Variants in PALB2 observed in about 807,000 individuals in gnomAD.
PALB2 encodes the protein mutant partner and localizer of BRCA2.
Under a neutral mutation model 107.4 loss-of-function variants are expected in PALB2, and 82 were observed. The ratio of observed to expected loss-of-function variants is 0.76; its 90% CI spans 0.64 to 0.92. The LOEUF is 0.92. Among genes scored for constraint, PALB2 ranks in the 40% least tolerant of loss-of-function variants. The pLI, the probability that PALB2 is intolerant of heterozygous loss-of-function variation, is 0.00. For synonymous variants in PALB2, 489 were observed against 496.8 expected (o/e 0.98, Z 0.21); for missense variants, 1,374 against 1,379.9 (o/e 1.00, Z 0.07).
rs1966799199 is a variant in PALB2, at chr16:23,622,998, T to C, written c.2967A>G (p.Val989=). Residue 989 remains valine (V), a synonymous_variant, in exon 9 of 13, where the codon GTA becomes GTG. Transcript: ENST00000261584. ...SSSGTLSDQQ[V]EVMTFAEDGG... ...CATCTTCTGCAAACGTCATGACTTC[T>C]ACTTGTTGATCAGAAAGGGTCCCAC... 1 of 1,614,082 alleles carries C rather than the reference T, an allele frequency of 6.2e-7. No individual in the cohort carries two copies. The highest frequency in any genetic ancestry group is 1.3e-5 in the African/African-American group (1 of 74,930).
chr16:23,630,196 C>A lies in PALB2; in HGVS notation c.1958G>T (p.Cys653Phe), dbSNP rs771246748. Residue 653 changes from cysteine to phenylalanine, a missense_variant, in exon 5 of 13, where the codon TGT becomes TTT. Physicochemically the swap from Cys to Phe is radical, Grantham distance 205 (BLOSUM62 -2). Coordinates refer to ENST00000261584, the MANE Select transcript of PALB2 (RefSeq NM_024675.4). ...AGGACTCAGTTCCTCTGGAAAAATA[C>A]AGCTTCCCTCTTTAAGATGTCTCTC... ...FGERHLKEGS[C>F]IFPEELSPKR... 1 of 1,614,134 alleles carries A rather than the reference C, an allele frequency of 6.2e-7. No homozygotes were observed. The highest frequency in any genetic ancestry group is 8.5e-7 in the Non-Finnish European group (1 of 1,180,032).
intron 3 of PALB2, among the ~76,000 whole-genome samples, chr16:23,636,938 T>C (rs1435555615): frequency 6.6e-6 from 1 of 152,186 alleles, no homozygotes; most frequent in East Asian, 1.9e-4. Context: ...TCTCTGTTCA[T>C]ATATACTTAC....
chr16:23,629,739 G>A lies in PALB2; in HGVS notation c.2415C>T (p.Val805=), dbSNP rs756996540. 5 of 1,614,098 alleles carry A rather than the reference G, an allele frequency of 3.1e-6. No individual in the cohort carries two copies. The highest frequency in any genetic ancestry group is 1.1e-5 in the South Asian group (1 of 91,090). The stretch of plus-strand genomic sequence containing the variant: ...CAATGGGTGGAGGTGTTCCTGGCGG[G>A]ACAGAGTCACAGTCACAGGTAGGTT... ...QGQPTCDCDS[V]PPGTPPPIES... Residue 805 remains valine, a synonymous_variant, in exon 5 of 13, where the codon GTC becomes GTT. Transcript: ENST00000261584.
intron 8 of PALB2, among the ~76,000 whole-genome samples, chr16:23,623,649 G>A (rs1966816534): frequency 6.6e-6 from 1 of 151,192 alleles, no homozygotes; most frequent in African/African-American, 2.4e-5. Flanking sequence ...GAGTAGCTGG[G>A]ATTATAGGCA....
chr16:23,629,551 G>T, intron 5 of PALB2, 89 bp downstream of exon 5: 1 of 1,244,062 alleles, frequency 8.0e-7, no homozygotes, highest in Non-Finnish European at 1.2e-6. Flanking sequence ...AAACGTGGAA[G>T]GCCCAATGCG....
chr16:23,626,266 C>T lies in PALB2; in HGVS notation c.2718G>A (p.Trp906Ter), dbSNP rs180177122. The T allele has an allele frequency of 6.2e-6, 10 of 1,614,154 alleles. No homozygotes were observed. The highest frequency in any genetic ancestry group is 8.5e-6 in the Non-Finnish European group (10 of 1,180,034). Residue 906 changes from tryptophan to a stop codon, truncating the protein, a stop_gained, in exon 7 of 13, where the codon TGG becomes TGA. Transcript: ENST00000261584. LOFTEE classifies it high-confidence loss of function. ...CGAAGTGCCAGGTATAAAGTTTTTC[C>T]CACTGCCAAGCATCCAGAGCTTTCC... ...SLWKALDAWQ[W>*]EKLYTWHFAE...
Position 23,630,483 on chromosome 16 carries a change from A to C in PALB2, c.1685-14T>G. 6.3e-7 allele frequency: 1 copy of C among 1,580,192 alleles called. No homozygotes were observed. The highest frequency in any genetic ancestry group is 8.7e-7 in the Non-Finnish European group (1 of 1,154,530). On this transcript the variant is annotated splice_polypyrimidine_tract_variant and intron_variant, in intron 4 of 12. Transcript: ENST00000261584. ...GACTTTTCTTCCCTAAAGAAGAAAA[A>C]TAAGTCACAAAATAGTAACAAAACC...
chr16:23,636,781 G>A (rs1410613693), intron 3 of PALB2, among the ~76,000 whole-genome samples: 5 of 152,034 alleles, frequency 3.3e-5, no homozygotes, highest in African/African-American at 7.2e-5. Context: ...TCTATCTCAT[G>A]TATTTCTTTC....
intron 6 of PALB2, among the ~76,000 whole-genome samples, chr16:23,626,767 G>A (rs748091455): frequency 2.7e-4 from 41 of 151,912 alleles, no homozygotes; most frequent in Middle Eastern, 3.4e-3. Context: ...GATTACAGGC[G>A]CCCGCCACCA....
Position 23,629,257 on chromosome 16 carries a change from G to A in PALB2, c.2533C>T (p.Pro845Ser), listed in dbSNP as rs1167924094. The A allele has an allele frequency of 3.1e-6, 5 of 1,613,602 alleles. No individual in the cohort carries two copies. The highest frequency in any genetic ancestry group is 3.4e-6 in the Non-Finnish European group (4 of 1,179,922). Reference sequence around the variant, plus strand: ...CCTGGGTTTATGCTATCAGAAGCAGGAAGCTCTGCTGTTTCAGTCTGTGAA... The same window carrying A: ...CCTGGGTTTATGCTATCAGAAGCAGAAAGCTCTGCTGTTTCAGTCTGTGAA... ...SVEQTETAELPASDSINPGNL... is the reference protein window; with the variant it reads ...SVEQTETAELSASDSINPGNL... Residue 845 changes from proline to serine, a missense_variant, in exon 6 of 13, where the codon CCT (proline) becomes TCT (serine). Physicochemically the swap from Pro to Ser is moderately conservative, Grantham distance 74. Transcript: ENST00000261584.
intron 10 of PALB2, among the ~76,000 whole-genome samples, chr16:23,614,391 G>A (rs1036184048): frequency 2.6e-5 from 4 of 152,082 alleles, no homozygotes; most frequent in Non-Finnish European, 5.9e-5. Flanking sequence ...TCAGGCACAT[G>A]GTATAGCAGT....
chr16:23,640,832 G>GA, intron 1 of PALB2: 1 of 400,398 alleles, frequency 2.5e-6, no homozygotes, highest in Non-Finnish European at 4.5e-6. Flanking sequence ...GAGGGTGTGG[G>GA]AGGGGGGAGG....
At chr16:23,628,621 G>A (rs1001625351) in intron 6 of PALB2, among the ~76,000 whole-genome samples, 2 of 152,074 alleles carry the variant, frequency 1.3e-5, no homozygotes, top group East Asian at 1.9e-4. Flanking sequence ...ATTTCACTCC[G>A]TCAAAATGCC....
At chr16:23,614,204 A>C in intron 10 of PALB2, 113 bp from the exon 11 acceptor site, 1 of 738,574 alleles carries the variant, frequency 1.4e-6, no homozygotes, top group Non-Finnish European at 2.3e-6. Flanking sequence ...GAAAAAACTA[A>C]GAGCTCCTTA....
At chr16:23,619,177 G>C (rs1424424519) in intron 10 of PALB2, among the ~76,000 whole-genome samples, 1 of 152,122 alleles carries the variant, frequency 6.6e-6, no homozygotes, top group Non-Finnish European at 1.5e-5. Flanking sequence ...AATAGACAAG[G>C]CTTCTGAGAA....
Position 23,621,392 on chromosome 16 carries a change from C to T in PALB2, c.3083G>A (p.Gly1028Asp), listed in dbSNP as rs779642624. Residue 1028 changes from glycine (G) to aspartate (D), a missense_variant, in exon 10 of 13, where the codon GGT becomes GAT. By Grantham distance (94) the Gly-to-Asp change is moderately conservative. Transcript: ENST00000261584. ...AACAATGTTGTTCATAATAGTAGTACCAAGCAGAGCTTCTTGCATCCCTTG... is the reference window on the plus strand; with the variant it reads ...AACAATGTTGTTCATAATAGTAGTATCAAGCAGAGCTTCTTGCATCCCTTG... Reference protein sequence around the residue: ...EVQGMQEALLGTTIMNNIVIW... With the variant: ...EVQGMQEALLDTTIMNNIVIW... 6.2e-7 allele frequency: 1 copy of T among 1,613,582 alleles called. No individual in the cohort carries two copies. Among genetic ancestry groups the T allele is most frequent in the Admixed American group, 1.7e-5 (1 of 60,006 alleles).
In PALB2 at chr16:23,630,160, T is replaced by A. The variant is rs1555460531; in HGVS notation, c.1994A>T (p.Asp665Val). The change falls in exon 5 of 13, where the codon GAT becomes GTT. Residue 665 changes from aspartate (D) to valine (V), a missense_variant. By Grantham distance (152) the Asp-to-Val change is radical. Transcript: ENST00000261584. ...FPEELSPKRM[D>V]TEMEDLEEDL... ...CTCTTCTAAGTCCTCCATTTCTGTATCCATGCGTTTAGGACTCAGTTCCTC... is the reference window on the plus strand; with the variant it reads ...CTCTTCTAAGTCCTCCATTTCTGTAACCATGCGTTTAGGACTCAGTTCCTC... The A allele has an allele frequency of 1.9e-6, 3 of 1,614,202 alleles. No individual in the cohort carries two copies. The highest frequency in any genetic ancestry group is 2.5e-6 in the Non-Finnish European group (3 of 1,180,028).
intron 11 of PALB2, among the ~76,000 whole-genome samples, chr16:23,611,336 G>T (rs553793108): frequency 6.6e-6 from 1 of 151,950 alleles, no homozygotes; most frequent in South Asian, 2.1e-4. Flanking sequence ...GTAGAGACAG[G>T]GTTTCATCAT....
rs2142384450 is a variant in PALB2 at position 23,630,177 on chromosome 16, C to T, written c.1977G>A (p.Leu659=). Residue 659 remains leucine (L), a synonymous_variant, in exon 5 of 13, where the codon CTG becomes CTA. Transcript: ENST00000261584. ...TTTCTGTATCCATGCGTTTAGGACT[C>T]AGTTCCTCTGGAAAAATACAGCTTC... ...KEGSCIFPEE[L]SPKRMDTEME... is the part of the protein sequence containing the mutation. The T allele has an allele frequency of 6.2e-7, 1 of 1,614,176 alleles. No individual in the cohort carries two copies. The highest frequency in any genetic ancestry group is 8.5e-7 in the Non-Finnish European group (1 of 1,180,032).
Sources: allele counts gnomAD v4.1 joint callset (sites outside exome capture counted in the v4.1 genomes callset), GRCh38; gene constraint gnomAD v4.1.1; transcripts MANE v1.5; gene names NCBI Gene and HGNC (gene_info 2026-07-23, HGNC 2026-07-21).